Variants in MAN1A1 observed in about 807,000 individuals in gnomAD.
The protein encoded by MAN1A1 is mannosidase alpha class 1A member 1, also known as mannosyl-oligosaccharide 1,2-alpha-mannosidase IA.
MAN1A1 carries 29 observed loss-of-function variants against 70.8 expected under a neutral mutation model. The ratio of observed to expected loss-of-function variants is 0.41; its 90% CI spans 0.31 to 0.56. The LOEUF (loss-of-function observed/expected upper bound fraction) is 0.56. Among genes scored for constraint, MAN1A1 ranks in the 20% least tolerant of loss-of-function variants. MAN1A1 has a pLI of 0.29. For missense variants in MAN1A1, 747 were observed against 841.3 expected (o/e 0.89, Z 1.39); for synonymous variants, 349 against 330.1 (o/e 1.06, Z -0.62).
intron 6 of MAN1A1, among the ~76,000 whole-genome samples, chr6:119,207,810 T>C (rs1158724830): frequency 6.6e-6 from 1 of 152,128 alleles, no homozygotes; most frequent in East Asian, 1.9e-4. Flanking sequence ...TTCAGCTCCC[T>C]TGGTCTGGTG....
chr6:119,188,636 T>G (rs896209124), intron 10 of MAN1A1, 59 bp from the exon 11 acceptor site: 1 of 1,455,756 alleles, frequency 6.9e-7, no homozygotes. Context: ...TTACAGTCAA[T>G]AACTTAAATG....
intron 5 of MAN1A1, among the ~76,000 whole-genome samples, chr6:119,261,749 A>G (rs1775620443): frequency 6.6e-6 from 1 of 152,238 alleles, no homozygotes. Context: ...AGTTTTAGAT[A>G]AAACTGACTT....
intron 2 of MAN1A1, among the ~76,000 whole-genome samples, chr6:119,319,224 T>C (rs1772935929): frequency 6.6e-6 from 1 of 152,138 alleles, no homozygotes; most frequent in Non-Finnish European, 1.5e-5. Context: ...TCATATTTTC[T>C]ATGGACTGAA....
In MAN1A1 at chr6:119,178,359, T is replaced by TG. The variant is rs1773056830; in HGVS notation, c.*1459dup. On this transcript the variant is annotated 3_prime_UTR_variant, in exon 13 of 13. Coordinates refer to ENST00000368468, the MANE Select transcript of MAN1A1 (RefSeq NM_005907.4). ...ATTTCATATGTTTCAGCCTAATCCA[T>TG]GGGGTTGTACTGATCTTTCTGACCA... The TG allele has an allele frequency of 6.6e-6, 1 of 152,104 alleles. No homozygotes were observed. The highest frequency in any genetic ancestry group is 6.5e-5 in the Admixed American group (1 of 15,272). The allele number at this position is 152,104 out of a possible 1,614,324, so 9.4% of individuals were successfully genotyped here.
At chr6:119,211,992 C>T (rs1396174084) in intron 6 of MAN1A1, among the ~76,000 whole-genome samples, 2 of 151,850 alleles carry the variant, frequency 1.3e-5, no homozygotes, top group South Asian at 2.1e-4. Context: ...AGGTGCCCAC[C>T]ACCATGCCTG....
At chr6:119,284,118 G>A (rs1399963127) in intron 5 of MAN1A1, among the ~76,000 whole-genome samples, 1 of 152,134 alleles carries the variant, frequency 6.6e-6, no homozygotes, top group Non-Finnish European at 1.5e-5. Context: ...ACAAGGCCAG[G>A]GATTGGGGGC....
intron 4 of MAN1A1, among the ~76,000 whole-genome samples, chr6:119,292,469 G>A (rs1329001243): frequency 6.6e-6 from 1 of 152,024 alleles, no homozygotes; most frequent in Non-Finnish European, 1.5e-5. Context: ...TAGGGAAATG[G>A]CAATAAGGAC....
intron 3 of MAN1A1, among the ~76,000 whole-genome samples, chr6:119,306,422 C>T (rs1772526561): frequency 1.3e-5 from 2 of 152,176 alleles, no homozygotes; most frequent in South Asian, 4.1e-4. Flanking sequence ...CCTAATCCAT[C>T]CTCACTTTCT....
Position 119,190,079 on chromosome 6 carries a change from G to C in MAN1A1, c.1327-196C>G, listed in dbSNP as rs1447473738. Among the ~76,000 whole-genome samples, 3 of 152,144 alleles carry C rather than the reference G, an allele frequency of 2.0e-5. No individual in the cohort carries two copies. In the East Asian group the frequency reaches 5.8e-4, roughly 29 times the overall value. Reference sequence around the variant, plus strand: ...AGTTTATGCCTTATTTGTTTGATTAGTCAGAATTAACACTGCTGCGCCAGC... The same window carrying C: ...AGTTTATGCCTTATTTGTTTGATTACTCAGAATTAACACTGCTGCGCCAGC... On this transcript the variant is annotated intron_variant, in intron 9 of 12. Coordinates refer to ENST00000368468, the MANE Select transcript of MAN1A1 (RefSeq NM_005907.4).
intron 6 of MAN1A1, among the ~76,000 whole-genome samples, chr6:119,216,675 A>G (rs1460318625): frequency 2.0e-5 from 3 of 152,222 alleles, no homozygotes; most frequent in Non-Finnish European, 4.4e-5. Context: ...CAATTTGAGG[A>G]ACATTTTTTC....
At chr6:119,269,326 G>C (rs1317467331) in intron 5 of MAN1A1, 1 of 252,414 alleles carries the variant, frequency 4.0e-6, no homozygotes. Context: ...ACCCCAGATA[G>C]GCAAATTTTC....
At chr6:119,259,675 G>T (rs1387919339) in intron 5 of MAN1A1, among the ~76,000 whole-genome samples, 2 of 152,120 alleles carry the variant, frequency 1.3e-5, no homozygotes, top group African/African-American at 4.8e-5. Context: ...ATCAAATGGT[G>T]ACACTGCTGG....
rs200096027 is a variant in MAN1A1 at position 119,319,389 on chromosome 6, T to TC, written c.604-12398_604-12397insG. ...ATAATAATAATAATAATAATAATAA[T>TC]AATCATCATCATCATCATTCATTCT... On this transcript the variant is annotated intron_variant, in intron 2 of 12. Transcript: ENST00000368468. Among the ~76,000 whole-genome samples, 486 of 149,856 alleles carry TC rather than the reference T, an allele frequency of 3.2e-3. 4 individuals are homozygous for TC. Among genetic ancestry groups the TC allele is most frequent in the African/African-American group, 1.0e-2 (409 of 41,076 alleles).
At chr6:119,291,140 AG>A (rs1411513842) in intron 4 of MAN1A1, among the ~76,000 whole-genome samples, 3 of 151,840 alleles carry the variant, frequency 2.0e-5, no homozygotes, top group Non-Finnish European at 4.4e-5. Context: ...AATCATGGGG[AG>A]GGGTCTTTCC....
chr6:119,221,285 T>A (rs560641869), intron 6 of MAN1A1, among the ~76,000 whole-genome samples: 80 of 152,244 alleles, frequency 5.3e-4, no homozygotes, highest in Admixed American at 4.1e-3. Context: ...TCCTGCCCCA[T>A]CCACACTTTT....
At chr6:119,326,023 T>C (rs1269369022) in intron 2 of MAN1A1, among the ~76,000 whole-genome samples, 1 of 152,196 alleles carries the variant, frequency 6.6e-6, no homozygotes, top group African/African-American at 2.4e-5. Context: ...GACCTGTTGT[T>C]AGGTCCAGGG....
At chr6:119,321,104 A>T (rs1237438905) in intron 2 of MAN1A1, among the ~76,000 whole-genome samples, 1 of 152,218 alleles carries the variant, frequency 6.6e-6, no homozygotes, top group Non-Finnish European at 1.5e-5. Flanking sequence ...ACTCTCAAAT[A>T]TGTATACGTG....
chr6:119,180,270 C>A lies in MAN1A1; in HGVS notation c.1835+42G>T, dbSNP rs138856834. The A allele has an allele frequency of 6.0e-5, 81 of 1,346,218 alleles. No homozygotes were observed. The Middle Eastern group carries it at 7.3e-4, about 12-fold the overall frequency. The allele number at this position is 1,346,218 out of a possible 1,614,324, so 83.4% of individuals were successfully genotyped here. ...ATAAAGACATCTACAAAGATCTGTTCAGGTACCTTAGCCACATGGTTTTAG... is the reference window on the plus strand; with the variant it reads ...ATAAAGACATCTACAAAGATCTGTTAAGGTACCTTAGCCACATGGTTTTAG... On this transcript the variant is annotated intron_variant, in intron 12 of 12. Coordinates refer to ENST00000368468, the MANE Select transcript of MAN1A1 (RefSeq NM_005907.4).
At chr6:119,301,860 A>G in intron 4 of MAN1A1, 128 bp downstream of exon 4, 2 of 594,238 alleles carry the variant, frequency 3.4e-6, no homozygotes, top group Non-Finnish European at 6.0e-6. Flanking sequence ...AGATAATAGT[A>G]TTTGTACTAC....
Sources: allele counts gnomAD v4.1 joint callset (sites outside exome capture counted in the v4.1 genomes callset), GRCh38; gene constraint gnomAD v4.1.1; transcripts MANE v1.5; gene names NCBI Gene and HGNC (gene_info 2026-07-23, HGNC 2026-07-21).